The following CENPP variants were observed in gnomAD, a reference collection of about 807,000 sequenced individuals.
CENPP encodes centromere protein P.
A neutral mutation model predicts 35.6 loss-of-function variants in CENPP; 24 were observed. The ratio of observed to expected loss-of-function variants is 0.67; its 90% confidence interval spans 0.49 to 0.95. The LOEUF is 0.95. CENPP is among the 40% of genes least tolerant of loss of function. The probability of loss-of-function intolerance (pLI) is 0.00; values close to 1 mark genes in which losing one functional copy is unlikely to be tolerated. For missense variants in CENPP, 332 were observed against 345.3 expected, an observed-to-expected ratio of 0.96 and a Z score of 0.31; for synonymous variants, 120 against 125.5, an observed-to-expected ratio of 0.96 and a Z score of 0.29.
chr9:92,528,433 G>A (rs1233865796), intron 5 of CENPP, among the ~76,000 whole-genome samples: 1 of 152,158 alleles, frequency 6.6e-6, no homozygotes, highest in East Asian at 1.9e-4. Context: ...TAGCCCAGAG[G>A]AACCCTTCCA....
chr9:92,354,246 C>A (rs967892719), intron 4 of CENPP, among the ~76,000 whole-genome samples: 1 of 152,146 alleles, frequency 6.6e-6, no homozygotes, highest in Non-Finnish European at 1.5e-5. Flanking sequence ...CTGCCCTTTC[C>A]ATTATGGAAT....
chr9:92,522,715 CTGTT>C (rs1354517702), intron 5 of CENPP: 4 of 1,614,134 alleles, frequency 2.5e-6, no homozygotes, highest in East Asian at 2.2e-5. Flanking sequence ...TCCAAGCTGT[CTGTT>C]TGATCTGTGC....
intron 5 of CENPP, chr9:92,527,882 T>C (rs111658137): frequency 2.6e-5 from 4 of 154,248 alleles, no homozygotes; most frequent in Non-Finnish European, 4.4e-5. Flanking sequence ...GCCAAGAAAA[T>C]GAGCATGGTT....
chr9:92,374,319 C>T lies in CENPP; in HGVS notation c.468-5444C>T, dbSNP rs920893628. Among the ~76,000 whole-genome samples, 10 of 151,214 alleles carry T rather than the reference C, an allele frequency of 6.6e-5. No homozygotes were observed. The South Asian group carries it at 2.1e-3, about 32-fold the overall frequency. ...TCCTGGGTTCAAGTGATTCTCCTGTCTCAGCCTCCCAAGCAGCTGGGATTA... is the reference window on the plus strand; with the variant it reads ...TCCTGGGTTCAAGTGATTCTCCTGTTTCAGCCTCCCAAGCAGCTGGGATTA... On this transcript the variant is annotated intron_variant, in intron 4 of 7. Transcript: ENST00000375587.
At chr9:92,576,841 G>A (rs1850294743) in intron 5 of CENPP, among the ~76,000 whole-genome samples, 1 of 152,072 alleles carries the variant, frequency 6.6e-6, no homozygotes, top group Admixed American at 6.6e-5. Context: ...TAGTATGTAT[G>A]GCAGGTAAAG....
At chr9:92,526,952 A>G (rs1013742589) in intron 5 of CENPP, among the ~76,000 whole-genome samples, 1 of 152,066 alleles carries the variant, frequency 6.6e-6, no homozygotes, top group South Asian at 2.1e-4. Context: ...CATTTTTTAA[A>G]TTATTTTAGA....
intron 5 of CENPP, among the ~76,000 whole-genome samples, chr9:92,565,330 T>C (rs1849942893): frequency 7.9e-6 from 1 of 127,142 alleles, no homozygotes; most frequent in Non-Finnish European, 1.6e-5. Flanking sequence ...AAAATCATAA[T>C]GTTTTAAGAA....
intron 5 of CENPP, among the ~76,000 whole-genome samples, chr9:92,522,212 G>A (rs1280426827): frequency 6.6e-6 from 1 of 151,712 alleles, no homozygotes; most frequent in African/African-American, 2.4e-5. Context: ...TCAGCCTCCC[G>A]AGTAGCTGGG....
chr9:92,358,649 G>A (rs1224021530), intron 4 of CENPP, among the ~76,000 whole-genome samples: 1 of 151,932 alleles, frequency 6.6e-6, no homozygotes, highest in Non-Finnish European at 1.5e-5. Flanking sequence ...TTTTCTTTCT[G>A]CCTACTCAAA....
At chr9:92,590,879 C>T (rs76077716) in intron 5 of CENPP, among the ~76,000 whole-genome samples, 1,727 of 152,022 alleles carry the variant, frequency 0.011, 25 homozygotes, top group African/African-American at 0.038. Context: ...GCTTTTGACC[C>T]GTTTATTCAA....
intron 5 of CENPP, among the ~76,000 whole-genome samples, chr9:92,571,787 A>G (rs1480812366): frequency 6.6e-6 from 1 of 152,164 alleles, no homozygotes; most frequent in Non-Finnish European, 1.5e-5. Context: ...ATATATATTT[A>G]GGATAGTTAG....
At position 92,522,901 on chromosome 9, in the gene CENPP, G is replaced by A. The variant is rs746774361; in HGVS notation, c.565-88413G>A. ...TTTTCCACCAGCCAATTTCTAGAAT[G>A]AAACAATATTTCAAAGTTAGTGGTG... On this transcript the variant is annotated intron_variant, in intron 5 of 7. Transcript: ENST00000375587. The A allele has an allele frequency of 1.9e-6, 3 of 1,560,858 alleles. No individual in the cohort carries two copies. In the Admixed American group the frequency reaches 5.6e-5, roughly 29 times the overall value.
chr9:92,345,753 A>C lies in CENPP; in HGVS notation c.433A>C (p.Thr145Pro), dbSNP rs376566422. 13 of 1,604,350 alleles carry C rather than the reference A, an allele frequency of 8.1e-6. No individual in the cohort carries two copies. Among genetic ancestry groups the C allele is most frequent in the Non-Finnish European group, 1.1e-5 (13 of 1,172,066 alleles). ...TGACCTCAACATAATAATGGAGCCC[A>C]CAGAATGCTCAGAATTAAGTGAATT... is the stretch of plus-strand genomic sequence containing the variant. ...VTDLNIIMEP[T>P]ECSELSEFVS... is the part of the protein sequence containing the mutation. The change falls in exon 4 of 8, where the codon ACA becomes CCA. Residue 145 changes from threonine (T) to proline (P), a missense_variant. Thr to Pro is a conservative substitution (Grantham distance 38, BLOSUM62 -1). Coordinates refer to ENST00000375587, the MANE Select transcript of CENPP (RefSeq NM_001012267.3).
intron 5 of CENPP, among the ~76,000 whole-genome samples, chr9:92,572,672 C>T (rs2131356674): frequency 6.6e-6 from 1 of 152,258 alleles, no homozygotes; most frequent in South Asian, 2.1e-4. Context: ...TGGATAATAT[C>T]CTGCAGAGTG....
intron 5 of CENPP, among the ~76,000 whole-genome samples, chr9:92,589,763 T>C (rs905748747): frequency 2.6e-5 from 4 of 152,194 alleles, no homozygotes; most frequent in Admixed American, 1.3e-4. Context: ...TTAGAGCTCT[T>C]TTATTTTGAG....
At chr9:92,522,811 A>G (rs751936993) in intron 5 of CENPP, 4 of 1,612,490 alleles carry the variant, frequency 2.5e-6, no homozygotes, top group Middle Eastern at 1.7e-4. Flanking sequence ...ATTTTTTCCA[A>G]AGTCAGTTTG....
intron 5 of CENPP, among the ~76,000 whole-genome samples, chr9:92,392,108 T>G (rs1842711009): frequency 6.6e-6 from 1 of 152,094 alleles, no homozygotes; most frequent in Non-Finnish European, 1.5e-5. Flanking sequence ...ACTGCAGAAA[T>G]GGAGGATTCT....
chr9:92,588,309 C>A (rs964034322), intron 5 of CENPP, among the ~76,000 whole-genome samples: 1 of 151,372 alleles, frequency 6.6e-6, no homozygotes, highest in Admixed American at 6.6e-5. Context: ...AGTGCAGTGG[C>A]GCGATCTCGG....
intron 5 of CENPP, among the ~76,000 whole-genome samples, chr9:92,449,437 C>CAAAAAAAAAAAAAAAAAAAAA (rs56218626): frequency 5.5e-5 from 3 of 54,958 alleles, no homozygotes; most frequent in Non-Finnish European, 1.0e-4. Context: ...ACTCTATCTC[C>CAAAAAAAAAAAAAAAAAAAAA]AAAAAAAAAA....
Sources: gnomAD v4.1 joint callset for allele counts (sites outside exome capture counted in the v4.1 genomes callset) on GRCh38, gnomAD v4.1.1 for gene constraint, MANE v1.5 for transcripts, NCBI Gene and HGNC (gene_info 2026-07-23, HGNC 2026-07-21) for gene names.